NFIC: variants seen among roughly 807,000 people sequenced by gnomAD.
NFIC encodes nuclear factor 1 C-type.
Under a neutral mutation model 54.4 loss-of-function variants are expected in NFIC, and 12 were observed. That is an observed-to-expected ratio of 0.22 (90% confidence interval 0.14 to 0.36). The LOEUF (loss-of-function observed/expected upper bound fraction) is 0.36. Among genes scored for constraint, NFIC ranks in the 10% least tolerant of loss-of-function variants. The probability of loss-of-function intolerance (pLI) is 1.00; values close to 1 mark genes in which losing one functional copy is unlikely to be tolerated. For synonymous variants in NFIC, 322 were observed against 319.2 expected, an observed-to-expected ratio of 1.01 and a Z score of -0.09; for missense variants, 575 against 718.2, an observed-to-expected ratio of 0.80 and a Z score of 2.28.
chr19:3,390,107 C>T (rs1285784963), intron 2 of NFIC, among the ~76,000 whole-genome samples: 2 of 152,256 alleles, frequency 1.3e-5, no homozygotes, highest in Admixed American at 6.5e-5. Context: ...TTTCCCAACC[C>T]AGTGAGCCAG....
intron 2 of NFIC, among the ~76,000 whole-genome samples, chr19:3,415,271 C>T (rs1045828596): frequency 1.3e-5 from 2 of 151,778 alleles, no homozygotes; most frequent in Non-Finnish European, 2.9e-5. Context: ...TGCCAGCACA[C>T]CCAGCTAATT....
chr19:3,438,726 C>T (rs8105858), intron 6 of NFIC, among the ~76,000 whole-genome samples: 74 of 151,856 alleles, frequency 4.9e-4, no homozygotes, highest in African/African-American at 9.7e-4. Context: ...CGTGAGCCAC[C>T]GCACCCGGCC....
rs1164790592 is a variant in NFIC at position 3,464,196 on chromosome 19, G to T, written c.*1427G>T. 1 of 985,288 alleles carries T rather than the reference G, an allele frequency of 1.0e-6. No homozygotes were observed. Among genetic ancestry groups the T allele is most frequent in the Non-Finnish European group, 1.2e-6 (1 of 829,924 alleles). 61.0% of individuals were successfully genotyped at this position (985,288 alleles called of 1,614,324 possible). A position where few individuals can be genotyped will look rare whatever the true frequency, so the allele number is the denominator to read the frequency against. ...GCCTACCCCGACGCGGGGCCCAGCT[G>T]CGGGACGTGCATCACGGCTGGGCCC... is the stretch of plus-strand genomic sequence containing the variant. On this transcript the variant is annotated 3_prime_UTR_variant, in exon 11 of 11. Coordinates refer to ENST00000443272, the MANE Select transcript of NFIC (RefSeq NM_001245002.2).
chr19:3,382,345 T>C lies in NFIC; in HGVS notation c.562+102T>C. The C allele has an allele frequency of 6.2e-6, 9 of 1,463,322 alleles. No homozygotes were observed. In the South Asian group the frequency reaches 1.2e-4, roughly 19 times the overall value. The allele number at this position is 1,463,322 out of a possible 1,614,324, so 90.6% of individuals were successfully genotyped here. A position where few individuals can be genotyped will look rare whatever the true frequency, so the allele number is the denominator to read the frequency against. ...GAGGGAGGAGGCCAGTGCGTGTGGGTATGATGTGGTGGTCTGAGAGGGGAA... is the reference window on the plus strand; with the variant it reads ...GAGGGAGGAGGCCAGTGCGTGTGGGCATGATGTGGTGGTCTGAGAGGGGAA... On this transcript the variant is annotated intron_variant, in intron 2 of 10. Transcript: ENST00000443272.
At chr19:3,360,352 T>G (rs920240456) in intron 1 of NFIC, among the ~76,000 whole-genome samples, 2 of 149,640 alleles carry the variant, frequency 1.3e-5, no homozygotes, top group Non-Finnish European at 3.0e-5. Flanking sequence ...CCGGCCCCGC[T>G]GCCGCGCGCG....
intron 2 of NFIC, among the ~76,000 whole-genome samples, chr19:3,420,556 A>AAAATAAATACATAAAT (rs2081937610): frequency 7.0e-6 from 1 of 142,680 alleles, no homozygotes; most frequent in Non-Finnish European, 1.5e-5. Flanking sequence ...CCATCTCAAA[A>AAAATAAATACATAAAT]AAATAAATAA....
intron 2 of NFIC, among the ~76,000 whole-genome samples, chr19:3,403,677 G>A (rs897725348): frequency 1.1e-4 from 17 of 152,334 alleles, no homozygotes; most frequent in African/African-American, 3.4e-4. Flanking sequence ...GCCTGCCCGG[G>A]CTCCCGCGCC....
At position 3,383,313 on chromosome 19, in the gene NFIC, C is replaced by T. The variant is rs559128097; in HGVS notation, c.562+1070C>T. Among the ~76,000 whole-genome samples, 28 of 152,224 alleles carry T rather than the reference C, an allele frequency of 1.8e-4. No individual in the cohort carries two copies. In the South Asian group the frequency reaches 5.0e-3, roughly 27 times the overall value. On this transcript the variant is annotated intron_variant, in intron 2 of 10. Coordinates refer to ENST00000443272, the MANE Select transcript of NFIC (RefSeq NM_001245002.2). ...TCTGTGGGGTTGAGGAAATCCAAGG[C>T]GGCTTCCCAGAGGAGGAGGTGCAGC...
At chr19:3,413,111 G>A (rs1452920122) in intron 2 of NFIC, among the ~76,000 whole-genome samples, 1 of 152,132 alleles carries the variant, frequency 6.6e-6, no homozygotes, top group Non-Finnish European at 1.5e-5. Context: ...ACCACACCCG[G>A]CTAATTTTTG....
chr19:3,410,728 C>G (rs1286553653), intron 2 of NFIC: 1 of 152,280 alleles, frequency 6.6e-6, no homozygotes, highest in African/African-American at 2.4e-5. Flanking sequence ...TATCACAGAA[C>G]CTCTAGCTAT....
chr19:3,367,397 G>A (rs889492295), intron 1 of NFIC, among the ~76,000 whole-genome samples: 2 of 152,136 alleles, frequency 1.3e-5, no homozygotes, highest in African/African-American at 4.8e-5. Flanking sequence ...GGGAGGAGCG[G>A]GAGGCCCGGC....
rs755416919 is a variant in NFIC at position 3,382,275 on chromosome 19, G to T, written c.562+32G>T. 1.8e-5 allele frequency: 29 copies of T among 1,583,524 alleles called. 1 individual carries two copies. Among genetic ancestry groups the T allele is most frequent in the Middle Eastern group, 2.1e-4 (1 of 4,796 alleles). ...TGTGGTGGCCTGAGCGGAGCGGCCAGCGGGGAGGGTGTCTGATGGTGGTGA... is the reference window on the plus strand; with the variant it reads ...TGTGGTGGCCTGAGCGGAGCGGCCATCGGGGAGGGTGTCTGATGGTGGTGA... On this transcript the variant is annotated intron_variant, in intron 2 of 10. Coordinates refer to ENST00000443272, the MANE Select transcript of NFIC (RefSeq NM_001245002.2).
At chr19:3,408,998 C>T (rs1599635006) in intron 2 of NFIC, among the ~76,000 whole-genome samples, 1 of 152,268 alleles carries the variant, frequency 6.6e-6, no homozygotes, top group East Asian at 1.9e-4. Flanking sequence ...TCCCAAAGTG[C>T]TGGAATTACA....
chr19:3,467,789 A>ATATC lies in NFIC; in HGVS notation c.*5020_*5021insTATC, dbSNP rs1176215106. On this transcript the variant is annotated 3_prime_UTR_variant, in exon 11 of 11. Transcript: ENST00000443272. ...TATATATATATATATATATATATATAATTTTGGAATTTGTTTCTCATAATA... is the reference window on the plus strand; with the variant it reads ...TATATATATATATATATATATATATATATCATTTTGGAATTTGTTTCTCATAATA... 7.7e-6 allele frequency: 1 copy of ATATC among 129,366 alleles called. No individual in the cohort carries two copies. Among genetic ancestry groups the ATATC allele is most frequent in the Non-Finnish European group, 1.6e-5 (1 of 63,076 alleles). The allele number at this position is 129,366 out of a possible 1,614,324, so 8.0% of individuals were successfully genotyped here. A position where few individuals can be genotyped will look rare whatever the true frequency, so the allele number is the denominator to read the frequency against.
At chr19:3,439,784 GT>G (rs1289383992) in intron 6 of NFIC, among the ~76,000 whole-genome samples, 1 of 149,932 alleles carries the variant, frequency 6.7e-6, no homozygotes. Flanking sequence ...CGCCTCCCGG[GT>G]TCATGCCATT....
intron 1 of NFIC, among the ~76,000 whole-genome samples, chr19:3,372,632 G>A (rs567256723): frequency 2.6e-5 from 4 of 151,978 alleles, no homozygotes; most frequent in South Asian, 4.2e-4. Context: ...CGTGGGACTC[G>A]GAGAGTGTGC....
At chr19:3,431,393 G>A (rs1036243184) in intron 3 of NFIC, among the ~76,000 whole-genome samples, 1 of 130,430 alleles carries the variant, frequency 7.7e-6, no homozygotes, top group African/African-American at 3.0e-5. Context: ...TTTTGAGACA[G>A]GGTCTTGCTC....
At position 3,452,999 on chromosome 19, in the gene NFIC, G is replaced by T. The variant is rs1309397625; in HGVS notation, c.1269+333G>T. Among the ~76,000 whole-genome samples, 1 of 152,220 alleles carries T rather than the reference G, an allele frequency of 6.6e-6. No individual in the cohort carries two copies. Among genetic ancestry groups the T allele is most frequent in the Non-Finnish European group, 1.5e-5 (1 of 68,036 alleles). Reference sequence around the variant, plus strand: ...GCCTGTGATCCCAGCGCTTTCGGAGGCCAAGGCGGGAGGATTGCATAAGCC... The same window carrying T: ...GCCTGTGATCCCAGCGCTTTCGGAGTCCAAGGCGGGAGGATTGCATAAGCC... On this transcript the variant is annotated intron_variant, in intron 8 of 10. Transcript: ENST00000443272. The surrounding 1 kb of genome is among the most constrained non-coding windows in gnomAD (Gnocchi z 5.3).
intron 1 of NFIC, 150 bp downstream of exon 1, chr19:3,366,816 CCGGTGGGGGGATGGGTCAGGCTGGGGTA>C (rs2080896012): frequency 3.8e-6 from 2 of 528,358 alleles, no homozygotes. Context: ...GGGCTGGGGT[CCGGTGGGGGGATGGGTCAGGCTGGGGTA>C]CCCCCCCCAC....
Sources: allele counts gnomAD v4.1 joint callset (sites outside exome capture counted in the v4.1 genomes callset), GRCh38; gene constraint gnomAD v4.1.1; non-coding constraint Gnocchi (gnomAD v3.1); transcripts MANE v1.5; gene names NCBI Gene and HGNC (gene_info 2026-07-23, HGNC 2026-07-21).